The following MSRA variants were observed in gnomAD, a reference collection of about 807,000 sequenced individuals.
MSRA encodes the protein methionine sulfoxide reductase A.
Under a neutral mutation model 31.3 loss-of-function variants are expected in MSRA, and 54 were observed. The ratio of observed to expected loss-of-function variants is 1.73; its 90% confidence interval spans 1.39 to 2.17. The LOEUF is 2.17. Ranked by LOEUF, MSRA falls within the 30% of genes most tolerant of loss-of-function variation. The pLI, the probability that MSRA is intolerant of heterozygous loss-of-function variation, is 0.00. For synonymous variants in MSRA, 169 were observed against 116.5 expected, an observed-to-expected ratio of 1.45 and a Z score of -2.90; for missense variants, 507 against 300.9, an observed-to-expected ratio of 1.69 and a Z score of -5.07.
chr8:10,252,953 A>G (rs1444111271), intron 3 of MSRA, among the ~76,000 whole-genome samples: 1 of 152,216 alleles, frequency 6.6e-6, no homozygotes, highest in Non-Finnish European at 1.5e-5. Flanking sequence ...TCACGTAGGT[A>G]TGAACCCTGT....
chr8:10,428,420 A>G lies in MSRA; in HGVS notation c.*108A>G. The stretch of plus-strand genomic sequence containing the variant: ...TGGCATTTAAAGTGCACAAAGTACA[A>G]AGGAATTTATACAGATTGGGTTTAC... On this transcript the variant is annotated 3_prime_UTR_variant, in exon 6 of 6. Coordinates refer to ENST00000317173, the MANE Select transcript of MSRA (RefSeq NM_012331.5). 1.3e-5 allele frequency: 16 copies of G among 1,214,608 alleles called. No homozygotes were observed. Among genetic ancestry groups the G allele is most frequent in the Non-Finnish European group, 1.7e-5 (15 of 860,574 alleles). 75.2% of individuals were successfully genotyped at this position (1,214,608 alleles called of 1,614,324 possible).
chr8:10,325,571 C>T (rs1437627966), intron 5 of MSRA, among the ~76,000 whole-genome samples: 1 of 152,052 alleles, frequency 6.6e-6, no homozygotes, highest in East Asian at 1.9e-4. Context: ...AGTTTTGAAA[C>T]TTGAATGAAT....
intron 5 of MSRA, among the ~76,000 whole-genome samples, chr8:10,352,629 C>A (rs569061202): frequency 6.6e-6 from 1 of 152,234 alleles, no homozygotes; most frequent in South Asian, 2.1e-4. Context: ...CGGTAAAATG[C>A]TCCCTGAAAA....
chr8:10,133,234 T>A lies in MSRA; in HGVS notation c.143-74599T>A, dbSNP rs1802029083. ...GTTGGGGAGAAGGGGCTGCTGTTGG[T>A]TGAACATTAGTTACACAGAGCTGCG... On this transcript the variant is annotated intron_variant, in intron 1 of 5. Transcript: ENST00000317173. Among the ~76,000 whole-genome samples, 2 of 152,184 alleles carry A rather than the reference T, an allele frequency of 1.3e-5. 1 individual carries two copies. The highest frequency in any genetic ancestry group is 4.1e-4 in the South Asian group (2 of 4,824).
At chr8:10,289,506 G>C (rs1800118359) in intron 3 of MSRA, among the ~76,000 whole-genome samples, 2 of 152,128 alleles carry the variant, frequency 1.3e-5, no homozygotes, top group African/African-American at 4.8e-5. Flanking sequence ...TTTATCCTTT[G>C]TGTTACAGAC....
Position 10,303,034 on chromosome 8 carries a change from A to G in MSRA, c.436+1396A>G, listed in dbSNP as rs114356057. ...GTGACAGCCAGTCGCTCCTTCTGGTAAGTCATCAATCCAGATGGAGCAGAC... is the reference window on the plus strand; with the variant it reads ...GTGACAGCCAGTCGCTCCTTCTGGTGAGTCATCAATCCAGATGGAGCAGAC... On this transcript the variant is annotated intron_variant, in intron 4 of 5. Transcript: ENST00000317173. 1.4e-3 allele frequency among the ~76,000 whole-genome samples: 213 copies of G among 152,358 alleles called. 1 individual carries two copies. The highest frequency in any genetic ancestry group is 4.6e-3 in the African/African-American group (191 of 41,588).
chr8:10,410,417 C>G (rs1180903842), intron 5 of MSRA, among the ~76,000 whole-genome samples: 1 of 152,204 alleles, frequency 6.6e-6, no homozygotes, highest in Non-Finnish European at 1.5e-5. Context: ...ACCCCCATCA[C>G]CTCATAATTC....
intron 1 of MSRA, among the ~76,000 whole-genome samples, chr8:10,180,664 G>A (rs369356113): frequency 1.2e-4 from 19 of 152,306 alleles, no homozygotes; most frequent in Middle Eastern, 3.4e-3. Flanking sequence ...TTTTAGGAGC[G>A]CTGTACCAGG....
At chr8:10,075,466 G>C (rs1013549234) in intron 1 of MSRA, among the ~76,000 whole-genome samples, 1 of 152,194 alleles carries the variant, frequency 6.6e-6, no homozygotes, top group Non-Finnish European at 1.5e-5. Flanking sequence ...GCAGTTATTA[G>C]AGGAGATCTG....
At position 10,066,600 on chromosome 8, in the gene MSRA, C is replaced by T. The variant is rs546775023; in HGVS notation, c.142+11942C>T. Among the ~76,000 whole-genome samples, 5 of 152,294 alleles carry T rather than the reference C, an allele frequency of 3.3e-5. No individual in the cohort carries two copies. The South Asian group carries it at 6.2e-4, about 19-fold the overall frequency. On this transcript the variant is annotated intron_variant, in intron 1 of 5. Coordinates refer to ENST00000317173, the MANE Select transcript of MSRA (RefSeq NM_012331.5). ...CCATGCTGGAGTGCAATGGCGCGAT[C>T]TCTGCTCACTGCAACCTCTGCCTCC...
intron 2 of MSRA, among the ~76,000 whole-genome samples, chr8:10,219,955 A>C (rs1459119240): frequency 6.6e-6 from 1 of 151,988 alleles, no homozygotes; most frequent in Non-Finnish European, 1.5e-5. Flanking sequence ...AATAACTGGA[A>C]ATGTTACCAC....
chr8:10,399,605 C>G (rs909959711), intron 5 of MSRA, among the ~76,000 whole-genome samples: 2 of 152,244 alleles, frequency 1.3e-5, no homozygotes, highest in Non-Finnish European at 2.9e-5. Flanking sequence ...ATATAGCCAG[C>G]AGAACCACAA....
chr8:10,395,668 G>A (rs1230946275), intron 5 of MSRA, among the ~76,000 whole-genome samples: 1 of 152,124 alleles, frequency 6.6e-6, no homozygotes, highest in African/African-American at 2.4e-5. Flanking sequence ...TGTTTATAAT[G>A]AAATGCTGAG....
intron 1 of MSRA, among the ~76,000 whole-genome samples, chr8:10,060,258 A>G (rs933636058): frequency 1.3e-5 from 2 of 152,228 alleles, no homozygotes; most frequent in East Asian, 1.9e-4. Context: ...GTTCATTGTC[A>G]CAATGGATAT....
chr8:10,107,735 A>G (rs775199012), intron 1 of MSRA, among the ~76,000 whole-genome samples: 3 of 152,200 alleles, frequency 2.0e-5, no homozygotes, highest in Non-Finnish European at 4.4e-5. Flanking sequence ...AGAGCTTGTT[A>G]TGGAACAGAG....
At chr8:10,192,193 T>C (rs1807568273) in intron 1 of MSRA, among the ~76,000 whole-genome samples, 1 of 152,150 alleles carries the variant, frequency 6.6e-6, no homozygotes, top group South Asian at 2.1e-4. Context: ...CCCCCATCAC[T>C]CCTGTTGTGT....
chr8:10,146,262 G>A (rs1337881955), intron 1 of MSRA, among the ~76,000 whole-genome samples: 4 of 152,210 alleles, frequency 2.6e-5, no homozygotes, highest in Non-Finnish European at 5.9e-5. Context: ...CTGAGGAAGA[G>A]AAGAGAGAGT....
chr8:10,193,215 C>G (rs1807671209), intron 1 of MSRA, among the ~76,000 whole-genome samples: 1 of 152,288 alleles, frequency 6.6e-6, no homozygotes, highest in Non-Finnish European at 1.5e-5. Flanking sequence ...TATTCAGGTG[C>G]TTCCAAAAAC....
At chr8:10,058,738 C>T (rs968195470) in intron 1 of MSRA, among the ~76,000 whole-genome samples, 1 of 152,196 alleles carries the variant, frequency 6.6e-6, no homozygotes, top group African/African-American at 2.4e-5. Flanking sequence ...CAGCCTAGTA[C>T]CTTTTACAGT....
Sources: gnomAD v4.1 joint callset for allele counts (sites outside exome capture counted in the v4.1 genomes callset) on GRCh38, gnomAD v4.1.1 for gene constraint, MANE v1.5 for transcripts, NCBI Gene and HGNC (gene_info 2026-07-23, HGNC 2026-07-21) for gene names.